Variants in CSMD1 observed in about 807,000 individuals in gnomAD.
The protein encoded by CSMD1 is CUB and sushi domain-containing protein 1.
CSMD1 carries 213 observed loss-of-function variants against 417.5 expected under a neutral mutation model. The ratio of observed to expected loss-of-function variants is 0.51; its 90% confidence interval spans 0.46 to 0.57. The LOEUF (loss-of-function observed/expected upper bound fraction) is 0.57, where lower values mean the gene tolerates loss of function less well. CSMD1 is among the 20% of genes least tolerant of loss of function. The probability of loss-of-function intolerance (pLI) is 0.00; values close to 1 mark genes in which losing one functional copy is unlikely to be tolerated. For missense variants in CSMD1, 6,923 were observed against 4,529.7 expected (o/e 1.53, Z -15.17); for synonymous variants, 2,862 against 1,736.8 (o/e 1.65, Z -16.11).
intron 26 of CSMD1, among the ~76,000 whole-genome samples, chr8:3,261,114 T>C (rs1394458391): frequency 6.6e-6 from 1 of 152,220 alleles, no homozygotes. Flanking sequence ...TGCAGAGATA[T>C]CACTGCATCC....
chr8:4,039,267 T>A (rs1467826105), intron 3 of CSMD1, among the ~76,000 whole-genome samples: 1 of 152,198 alleles, frequency 6.6e-6, no homozygotes, highest in East Asian at 1.9e-4. Flanking sequence ...TAAGAAAATA[T>A]AACTCCAAAT....
At chr8:3,292,991 T>C (rs1032014188) in intron 25 of CSMD1, among the ~76,000 whole-genome samples, 8 of 152,176 alleles carry the variant, frequency 5.3e-5, no homozygotes, top group African/African-American at 1.4e-4. Context: ...TGTTTAGTGC[T>C]TCCTTCAGGA....
intron 16 of CSMD1, among the ~76,000 whole-genome samples, chr8:3,399,036 A>T (rs1323705930): frequency 6.6e-6 from 1 of 152,114 alleles, no homozygotes; most frequent in Non-Finnish European, 1.5e-5. Flanking sequence ...ACCACAGAAG[A>T]CACCTAAGGG....
chr8:3,604,329 G>C lies in CSMD1; in HGVS notation c.1097+12381C>G, dbSNP rs184739891. 1.6e-4 allele frequency among the ~76,000 whole-genome samples: 25 copies of C among 152,274 alleles called. No individual in the cohort carries two copies. In the East Asian group the frequency reaches 4.8e-3, roughly 30 times the overall value. ...GGGGACCAAAGGTCCATTTCAGATT[G>C]TGTGGCCAGGAAGTAGCACGGAACA... On this transcript the variant is annotated intron_variant, in intron 8 of 69. Transcript: ENST00000635120.
At chr8:3,467,555 T>C (rs960012905) in intron 12 of CSMD1, among the ~76,000 whole-genome samples, 3 of 152,208 alleles carry the variant, frequency 2.0e-5, no homozygotes, top group Admixed American at 2.0e-4. Flanking sequence ...GTCGTAGTAT[T>C]TCTTATTCAC....
intron 5 of CSMD1, among the ~76,000 whole-genome samples, chr8:3,833,013 T>C (rs1802462590): frequency 6.6e-6 from 1 of 152,166 alleles, no homozygotes; most frequent in Admixed American, 6.5e-5. Context: ...AAGTGTCAGC[T>C]GCTAAGTTGA....
At chr8:4,272,968 A>C (rs1804697477) in intron 3 of CSMD1, among the ~76,000 whole-genome samples, 1 of 152,214 alleles carries the variant, frequency 6.6e-6, no homozygotes, top group African/African-American at 2.4e-5. Flanking sequence ...TTAATTACAA[A>C]GGAAGGAAAA....
At chr8:4,821,687 A>C (rs556933880) in intron 1 of CSMD1, among the ~76,000 whole-genome samples, 56 of 152,296 alleles carry the variant, frequency 3.7e-4, no homozygotes, top group African/African-American at 1.2e-3. Context: ...TCCTTTGAAG[A>C]AAGAGCCCTA....
At chr8:3,840,563 G>A (rs559251755) in intron 5 of CSMD1, among the ~76,000 whole-genome samples, 2 of 152,062 alleles carry the variant, frequency 1.3e-5, no homozygotes, top group African/African-American at 4.8e-5. Context: ...ATGCAAGCAT[G>A]CCTCCTTATT....
intron 10 of CSMD1, among the ~76,000 whole-genome samples, chr8:3,554,354 C>G (rs1799048057): frequency 6.6e-6 from 1 of 152,224 alleles, no homozygotes; most frequent in Non-Finnish European, 1.5e-5. Context: ...GACCTGCTGG[C>G]TGGCGAGGGC....
chr8:3,236,008 T>C (rs1314956520), intron 26 of CSMD1, among the ~76,000 whole-genome samples: 1 of 145,160 alleles, frequency 6.9e-6, no homozygotes, highest in Non-Finnish European at 1.5e-5. Context: ...AGCTCCGCCT[T>C]CCGGGTTCAC....
intron 4 of CSMD1, among the ~76,000 whole-genome samples, chr8:4,000,785 A>C (rs1815607058): frequency 6.6e-6 from 1 of 151,994 alleles, no homozygotes; most frequent in Non-Finnish European, 1.5e-5. Flanking sequence ...CTCTGAATTC[A>C]TTATATACTA....
intron 1 of CSMD1, among the ~76,000 whole-genome samples, chr8:4,860,479 G>A (rs1487951259): frequency 6.6e-6 from 1 of 151,814 alleles, no homozygotes; most frequent in Non-Finnish European, 1.5e-5. Flanking sequence ...GTAATTTGCT[G>A]GCTCCCTCAT....
chr8:3,975,430 C>A (rs755986397), intron 5 of CSMD1, among the ~76,000 whole-genome samples: 9 of 152,020 alleles, frequency 5.9e-5, no homozygotes, highest in East Asian at 1.9e-4. Flanking sequence ...CCATTTACAA[C>A]CCTTAGAAAA....
intron 1 of CSMD1, among the ~76,000 whole-genome samples, chr8:4,705,852 G>A (rs1689031423): frequency 6.6e-6 from 1 of 152,040 alleles, no homozygotes; most frequent in South Asian, 2.1e-4. Flanking sequence ...AGTGTCCTGG[G>A]GGCACTTTAA....
chr8:4,770,747 C>G (rs1437368809), intron 1 of CSMD1, among the ~76,000 whole-genome samples: 1 of 151,978 alleles, frequency 6.6e-6, no homozygotes, highest in Non-Finnish European at 1.5e-5. Context: ...GTTAGGAAAA[C>G]AAGATTTTCT....
At chr8:3,814,327 G>C (rs1033231367) in intron 5 of CSMD1, among the ~76,000 whole-genome samples, 10 of 152,136 alleles carry the variant, frequency 6.6e-5, no homozygotes, top group Non-Finnish European at 1.2e-4. Context: ...GCAAACCAGA[G>C]CCAGTTATCT....
chr8:3,508,734 A>T (rs1796939569), intron 10 of CSMD1, among the ~76,000 whole-genome samples: 2 of 152,112 alleles, frequency 1.3e-5, no homozygotes, highest in East Asian at 3.9e-4. Flanking sequence ...ATTTAAAACA[A>T]ATAAAATTAT....
intron 2 of CSMD1, among the ~76,000 whole-genome samples, chr8:4,473,922 A>G (rs1800665023): frequency 6.6e-6 from 1 of 152,196 alleles, no homozygotes; most frequent in Non-Finnish European, 1.5e-5. Flanking sequence ...ACTAATCAAT[A>G]AATAATATTA....
Sources: allele counts gnomAD v4.1 joint callset (sites outside exome capture counted in the v4.1 genomes callset), GRCh38; gene constraint gnomAD v4.1.1; transcripts MANE v1.5; gene names NCBI Gene and HGNC (gene_info 2026-07-23, HGNC 2026-07-21).